CYP7B1: variants seen among roughly 807,000 people sequenced by gnomAD.
CYP7B1 encodes cytochrome P450 7B1.
A neutral mutation model predicts 42.7 loss-of-function variants in CYP7B1; 29 were observed. The observed-to-expected ratio is 0.68, with a 90% CI of 0.51 to 0.93. The LOEUF is 0.93. CYP7B1 is among the 40% of genes least tolerant of loss of function. CYP7B1 has a pLI of 0.00. For missense variants in CYP7B1, 655 were observed against 600.5 expected, an observed-to-expected ratio of 1.09 and a Z score of -0.95; for synonymous variants, 235 against 218.2, an observed-to-expected ratio of 1.08 and a Z score of -0.68.
At chr8:64,638,512 A>G (rs1805807047) in intron 1 of CYP7B1, among the ~76,000 whole-genome samples, 1 of 152,154 alleles carries the variant, frequency 6.6e-6, no homozygotes, top group African/African-American at 2.4e-5. Context: ...CTGTTGCTGA[A>G]GTCATTTGGA....
At position 64,615,126 on chromosome 8, in the gene CYP7B1, A is replaced by G. The variant is rs886063073; in HGVS notation, c.957T>C (p.Arg319=). Residue 319 remains arginine (R), a synonymous_variant, in exon 4 of 6, where the codon CGT becomes CGC. Transcript: ENST00000310193. The part of the protein sequence containing the change: ...LRHPEAMAAV[R]DEIDRLLQST... ...ACTGCAGCAAACGGTCAATTTCGTCACGCACTGCTGCCATAGCTTCTGGGT... is the reference window on the plus strand; with the variant it reads ...ACTGCAGCAAACGGTCAATTTCGTCGCGCACTGCTGCCATAGCTTCTGGGT... 9 of 1,613,696 alleles carry G rather than the reference A, an allele frequency of 5.6e-6. 1 individual carries two copies. The East Asian group carries it at 2.0e-4, about 36-fold the overall frequency.
intron 1 of CYP7B1, among the ~76,000 whole-genome samples, chr8:64,638,081 C>T (rs1805799843): frequency 6.6e-6 from 1 of 152,048 alleles, no homozygotes; most frequent in African/African-American, 2.4e-5. Flanking sequence ...TTCATAAATG[C>T]AATTTCTACT....
chr8:64,751,387 A>C (rs893589706), intron 1 of CYP7B1, among the ~76,000 whole-genome samples: 6 of 152,194 alleles, frequency 3.9e-5, no homozygotes, highest in African/African-American at 1.4e-4. Flanking sequence ...TCATGCCATT[A>C]AGTACTCCTA....
At chr8:64,783,474 G>A (rs1370636245) in intron 1 of CYP7B1, among the ~76,000 whole-genome samples, 1 of 151,696 alleles carries the variant, frequency 6.6e-6, no homozygotes, top group Admixed American at 6.6e-5. Flanking sequence ...TTACAGCATT[G>A]GAGAGGGGAG....
At chr8:64,615,256 AAGATTAATAGCGTTTATTACACTGATT>A (rs1389365702) in intron 3 of CYP7B1, 24 bp from the exon 4 acceptor site, 4 of 1,597,086 alleles carry the variant, frequency 2.5e-6, no homozygotes, top group Non-Finnish European at 2.6e-6. Context: ...AGTGAAAAGG[AAGATTAATAGCGTTTATTACACTGATT>A]AGATTTGCAG....
intron 1 of CYP7B1, among the ~76,000 whole-genome samples, chr8:64,771,257 T>G (rs914952567): frequency 2.6e-5 from 4 of 151,494 alleles, no homozygotes; most frequent in Admixed American, 6.6e-5. Flanking sequence ...AGACGGGGTT[T>G]CACCATGTTA....
intron 4 of CYP7B1, among the ~76,000 whole-genome samples, chr8:64,608,384 C>T (rs895533480): frequency 5.3e-5 from 8 of 152,172 alleles, no homozygotes; most frequent in African/African-American, 1.9e-4. Context: ...TGGGTTTCTG[C>T]CTCACACTTA....
intron 1 of CYP7B1, among the ~76,000 whole-genome samples, chr8:64,651,107 T>C (rs1165859721): frequency 1.3e-5 from 2 of 152,134 alleles, no homozygotes; most frequent in East Asian, 1.9e-4. Flanking sequence ...TTTGGAAAAA[T>C]ACTACTTGGA....
intron 1 of CYP7B1, among the ~76,000 whole-genome samples, chr8:64,681,183 T>TC (rs757757091): frequency 1.3e-5 from 2 of 152,104 alleles, no homozygotes; most frequent in Admixed American, 1.3e-4. Context: ...TAGATCTTTC[T>TC]CCCCCCTTTT....
intron 1 of CYP7B1, among the ~76,000 whole-genome samples, chr8:64,661,583 T>C (rs1323431223): frequency 6.6e-6 from 1 of 152,224 alleles, no homozygotes; most frequent in Non-Finnish European, 1.5e-5. Flanking sequence ...TTTAATAGTG[T>C]TAATAATCCT....
chr8:64,726,197 G>T (rs1175367489), intron 1 of CYP7B1, among the ~76,000 whole-genome samples: 2 of 151,978 alleles, frequency 1.3e-5, no homozygotes, highest in Non-Finnish European at 2.9e-5. Flanking sequence ...GCCCTCAATT[G>T]TTTCTTTTAT....
intron 1 of CYP7B1, among the ~76,000 whole-genome samples, chr8:64,624,903 C>T (rs138537192): frequency 1.3e-5 from 2 of 150,674 alleles, no homozygotes; most frequent in African/African-American, 2.5e-5. Context: ...CCATCCCACC[C>T]TTCCCCCTGG....
At chr8:64,668,918 A>C (rs1212869940) in intron 1 of CYP7B1, among the ~76,000 whole-genome samples, 1 of 152,108 alleles carries the variant, frequency 6.6e-6, no homozygotes, top group Non-Finnish European at 1.5e-5. Flanking sequence ...TGAGTCTATG[A>C]AAATATGTTC....
At chr8:64,647,612 A>G (rs1173311094) in intron 1 of CYP7B1, among the ~76,000 whole-genome samples, 1 of 152,230 alleles carries the variant, frequency 6.6e-6, no homozygotes. Flanking sequence ...AAGGCCTGAG[A>G]ACCAGGGGGA....
chr8:64,596,423 C>G lies in CYP7B1; in HGVS notation c.*219G>C. The G allele has an allele frequency of 2.0e-6, 1 of 494,512 alleles. No individual in the cohort carries two copies. Among genetic ancestry groups the G allele is most frequent in the Non-Finnish European group, 3.6e-6 (1 of 279,894 alleles). The allele number at this position is 494,512 out of a possible 1,614,324, so 30.6% of individuals were successfully genotyped here. A position where few individuals can be genotyped will look rare whatever the true frequency, so the allele number is the denominator to read the frequency against. On this transcript the variant is annotated 3_prime_UTR_variant, in exon 6 of 6. Transcript: ENST00000310193. ...ACAACAACCCTGTTTTGAGCCTACC[C>G]TTAAGTTGATTTTGATGTCCATTTT...
chr8:64,623,583 G>T (rs544261845), intron 2 of CYP7B1, among the ~76,000 whole-genome samples: 2 of 152,278 alleles, frequency 1.3e-5, no homozygotes, highest in East Asian at 1.9e-4. Flanking sequence ...AAAAAATGTT[G>T]TGAACTAGTA....
At chr8:64,643,174 T>TATATACATATATACAC (rs1805891957) in intron 1 of CYP7B1, among the ~76,000 whole-genome samples, 6 of 94,010 alleles carry the variant, frequency 6.4e-5, no homozygotes, top group South Asian at 3.4e-4. Context: ...CATATATACA[T>TATATACATATATACAC]ATATATACAT....
rs1412989292 is a variant in CYP7B1, at chr8:64,685,891, C to T, written c.123-61352G>A. ...GAGGGAGGTGGGGGGGTCAGCCCCCCGCCTGGCCAGCCGTGCCGTCCGGGA... is the reference window on the plus strand; with the variant it reads ...GAGGGAGGTGGGGGGGTCAGCCCCCTGCCTGGCCAGCCGTGCCGTCCGGGA... On this transcript the variant is annotated intron_variant, in intron 1 of 5. Coordinates refer to ENST00000310193, the MANE Select transcript of CYP7B1 (RefSeq NM_004820.5). 9.6e-5 allele frequency among the ~76,000 whole-genome samples: 4 copies of T among 41,836 alleles called. No homozygotes were observed. The East Asian group carries it at 1.7e-3, about 18-fold the overall frequency. The allele number at this position is 41,836 out of a possible 152,430, so 27.4% of individuals were successfully genotyped here. A position where few individuals can be genotyped will look rare whatever the true frequency, so the allele number is the denominator to read the frequency against.
intron 1 of CYP7B1, among the ~76,000 whole-genome samples, chr8:64,635,157 T>G (rs980465860): frequency 6.6e-6 from 1 of 152,260 alleles, no homozygotes; most frequent in African/African-American, 2.4e-5. Flanking sequence ...TAAAGTTATC[T>G]GCTTAATATT....
Sources: gnomAD v4.1 joint callset for allele counts (sites outside exome capture counted in the v4.1 genomes callset) on GRCh38, gnomAD v4.1.1 for gene constraint, MANE v1.5 for transcripts, NCBI Gene and HGNC (gene_info 2026-07-23, HGNC 2026-07-21) for gene names.